Variants in COG7 observed in about 807,000 individuals in gnomAD.
COG7 encodes the protein conserved oligomeric Golgi complex subunit 7.
In COG7, 49 loss-of-function variants were observed where a neutral mutation model predicts 91.5. That is an observed-to-expected ratio of 0.54 (90% CI 0.43 to 0.68). COG7 has a LOEUF of 0.68. Among genes scored for constraint, COG7 ranks in the 30% least tolerant of loss-of-function variants. The pLI is 0.00. For missense variants in COG7, 895 were observed against 961.3 expected (o/e 0.93, Z 0.91); for synonymous variants, 365 against 388.7 (o/e 0.94, Z 0.72).
At position 23,424,820 on chromosome 16, in the gene COG7, C is replaced by T. The variant is rs116061107; in HGVS notation, c.938G>A (p.Arg313Lys). The T allele has an allele frequency of 2.4e-4, 387 of 1,614,256 alleles. 5 individuals are homozygous for T. The East Asian group carries it at 8.4e-3, about 35-fold the overall frequency. ...ERAGPEQELT[R>K]LLEFYDATAH... Reference sequence around the variant, plus strand: ...GGTGGCGTCGTAGAACTCCAGCAGCCTGGTGAGCTCCTGCTCGGGCCCTGC... The same window carrying T: ...GGTGGCGTCGTAGAACTCCAGCAGCTTGGTGAGCTCCTGCTCGGGCCCTGC... Residue 313 changes from arginine to lysine, a missense_variant, in exon 7 of 17, where the codon AGG becomes AAG. Transcript: ENST00000307149.
intron 7 of COG7, 118 bp downstream of exon 7, chr16:23,424,605 TCCACATCTGCTGAGAAGGAAAACACC>T: frequency 1.2e-6 from 1 of 851,954 alleles, no homozygotes; most frequent in Non-Finnish European, 1.9e-6. Context: ...GGAAAAGCCC[TCCACATCTGCTGAGAAGGAAAACACC>T]GATCCCTTCC....
chr16:23,442,425 C>A, intron 4 of COG7, 52 bp downstream of exon 4: 1 of 1,528,258 alleles, frequency 6.5e-7, no homozygotes, highest in African/African-American at 1.4e-5. Context: ...ACTTACAAGG[C>A]CTTATCTTTA....
chr16:23,416,545 C>A, intron 9 of COG7: 1 of 272,800 alleles, frequency 3.7e-6, no homozygotes, highest in South Asian at 3.8e-5. Flanking sequence ...GTTGGCCAAG[C>A]TGGTCTCGAA....
chr16:23,449,877 T>C (rs566257610), intron 1 of COG7, among the ~76,000 whole-genome samples: 9 of 151,894 alleles, frequency 5.9e-5, no homozygotes, highest in Admixed American at 1.3e-4. Context: ...TTAATACATA[T>C]AGAGCACCAA....
chr16:23,435,091 C>T (rs967935648), intron 4 of COG7, among the ~76,000 whole-genome samples: 5 of 152,144 alleles, frequency 3.3e-5, no homozygotes, highest in East Asian at 1.9e-4. Context: ...GGGCTGGTCG[C>T]GGTAGCTCAT....
chr16:23,411,765 G>A (rs150495813), intron 10 of COG7, among the ~76,000 whole-genome samples: 24 of 152,316 alleles, frequency 1.6e-4, no homozygotes, highest in Non-Finnish European at 2.5e-4. Context: ...CATGTGTCAC[G>A]GGCAAGGGTC....
chr16:23,394,102 C>T (rs911723042), intron 14 of COG7, among the ~76,000 whole-genome samples: 1 of 149,810 alleles, frequency 6.7e-6, no homozygotes, highest in Non-Finnish European at 1.5e-5. Context: ...ATCTGATTCT[C>T]TCCCTCCTAG....
chr16:23,409,788 G>T (rs1436788773), intron 11 of COG7, among the ~76,000 whole-genome samples: 1 of 152,138 alleles, frequency 6.6e-6, no homozygotes, highest in East Asian at 1.9e-4. Context: ...AGTAGGACAA[G>T]CTTTTCCAGG....
At chr16:23,401,469 T>C (rs1182054968) in intron 13 of COG7, among the ~76,000 whole-genome samples, 1 of 152,130 alleles carries the variant, frequency 6.6e-6, no homozygotes, top group South Asian at 2.1e-4. Context: ...CCTGTTTAAA[T>C]GTAGAACTAA....
intron 6 of COG7, among the ~76,000 whole-genome samples, chr16:23,425,726 T>C (rs1200040727): frequency 6.6e-6 from 1 of 152,160 alleles, no homozygotes; most frequent in Non-Finnish European, 1.5e-5. Context: ...AGTTTAGAGC[T>C]ATAAGCCCAA....
chr16:23,450,370 A>G (rs543266260), intron 1 of COG7, among the ~76,000 whole-genome samples: 1 of 152,152 alleles, frequency 6.6e-6, no homozygotes, highest in South Asian at 2.1e-4. Context: ...AGTTCTCACA[A>G]CTCCAGATTC....
intron 1 of COG7, among the ~76,000 whole-genome samples, chr16:23,451,499 A>C (rs1325525121): frequency 6.6e-6 from 1 of 152,118 alleles, no homozygotes; most frequent in African/African-American, 2.4e-5. Context: ...GGATCACTTG[A>C]GGTCAGAAAT....
rs896811836 is a variant in COG7, at chr16:23,427,500, G to T, written c.811-2553C>A. Among the ~76,000 whole-genome samples the T allele has an allele frequency of 4.6e-5, 7 of 151,630 alleles. No homozygotes were observed. The East Asian group carries it at 7.7e-4, about 17-fold the overall frequency. On this transcript the variant is annotated intron_variant, in intron 6 of 16. Coordinates refer to ENST00000307149, the MANE Select transcript of COG7 (RefSeq NM_153603.4). The stretch of plus-strand genomic sequence containing the variant: ...AAAGAAAAAAAAAAAACAAAAAACA[G>T]CTAAACTGCTGAGGACTCTCCAATT...
intron 6 of COG7, among the ~76,000 whole-genome samples, chr16:23,428,517 G>A (rs1963884357): frequency 6.6e-6 from 1 of 151,744 alleles, no homozygotes; most frequent in Non-Finnish European, 1.5e-5. Context: ...TTAGTCATCA[G>A]GGAAATGCAA....
At chr16:23,412,699 G>A (rs1465612944) in intron 10 of COG7, 1 of 151,938 alleles carries the variant, frequency 6.6e-6, no homozygotes, top group Non-Finnish European at 1.5e-5. Flanking sequence ...AACCTTTTTT[G>A]TTTTGAGACA....
Position 23,410,357 on chromosome 16 carries a change from T to C in COG7, c.1413A>G (p.Ile471Met). 1 of 1,613,846 alleles carries C rather than the reference T, an allele frequency of 6.2e-7. No individual in the cohort carries two copies. Among genetic ancestry groups the C allele is most frequent in the South Asian group, 1.1e-5 (1 of 91,016 alleles). Reference protein sequence around the residue: ...DWTAFQNSIRIIATCGELLRH... With the variant: ...DWTAFQNSIRMIATCGELLRH... ...GCAAAAGCTCTCCACAGGTGGCTATTATCCTAAACAAAACAAAAAGCACTT... is the reference window on the plus strand; with the variant it reads ...GCAAAAGCTCTCCACAGGTGGCTATCATCCTAAACAAAACAAAAAGCACTT... Residue 471 changes from isoleucine to methionine, a missense_variant, in exon 11 of 17, where the codon ATA (isoleucine) becomes ATG (methionine). Physicochemically the swap from Ile to Met is conservative, Grantham distance 10 (BLOSUM62 1). Coordinates refer to ENST00000307149, the MANE Select transcript of COG7 (RefSeq NM_153603.4).
In COG7 at chr16:23,445,114, T is replaced by C. The variant is rs1213790744; in HGVS notation, c.369A>G (p.Glu123=). Residue 123 remains glutamate, a synonymous_variant, in exon 3 of 17, where the codon GAA becomes GAG. Coordinates refer to ENST00000307149, the MANE Select transcript of COG7 (RefSeq NM_153603.4). ...QVKSRMQLAA[E]SLQEADKWST... ...TCCACTTATCTGCTTCCTGAAGAGATTCGGCAGCAAGTTGCATTCTGGACT... is the reference window on the plus strand; with the variant it reads ...TCCACTTATCTGCTTCCTGAAGAGACTCGGCAGCAAGTTGCATTCTGGACT... The C allele has an allele frequency of 6.2e-7, 1 of 1,614,030 alleles. No homozygotes were observed. Among genetic ancestry groups the C allele is most frequent in the African/African-American group, 1.3e-5 (1 of 74,920 alleles).
In COG7 at chr16:23,443,025, C is replaced by G. The variant is rs145388514; in HGVS notation, c.436-380G>C. Among the ~76,000 whole-genome samples the G allele has an allele frequency of 9.6e-3, 1,369 of 142,998 alleles. 22 individuals are homozygous for G. Among genetic ancestry groups the G allele is most frequent in the African/African-American group, 0.035 (1,292 of 36,594 alleles). The allele number at this position is 142,998 out of a possible 152,430, so 93.8% of individuals were successfully genotyped here. On this transcript the variant is annotated intron_variant, in intron 3 of 16. Transcript: ENST00000307149. The stretch of plus-strand genomic sequence containing the variant: ...CTCCAGCCTGGGCAACAGAGAAAGA[C>G]CCCGTCTCAAAAAAAAAACAAAAAA...
intron 4 of COG7, among the ~76,000 whole-genome samples, chr16:23,438,972 A>C (rs1250962095): frequency 6.6e-6 from 1 of 152,008 alleles, no homozygotes; most frequent in Non-Finnish European, 1.5e-5. Context: ...AGCCTGGCCA[A>C]CATGGTGAAA....
Sources: allele counts gnomAD v4.1 joint callset (sites outside exome capture counted in the v4.1 genomes callset), GRCh38; gene constraint gnomAD v4.1.1; transcripts MANE v1.5; gene names NCBI Gene and HGNC (gene_info 2026-07-23, HGNC 2026-07-21).